Variants in MFHAS1 observed in about 807,000 individuals in gnomAD.
MFHAS1 encodes multifunctional ROCO family signaling regulator 1, also known as malignant fibrous histiocytoma-amplified sequence 1.
A neutral mutation model predicts 70.4 loss-of-function variants in MFHAS1; 50 were observed. The ratio of observed to expected loss-of-function variants is 0.71; its 90% confidence interval spans 0.57 to 0.90. The LOEUF (loss-of-function observed/expected upper bound fraction) is 0.90. Among genes scored for constraint, MFHAS1 ranks in the 40% least tolerant of loss-of-function variants. The probability of loss-of-function intolerance (pLI) is 0.00; values close to 1 mark genes in which losing one functional copy is unlikely to be tolerated. For synonymous variants in MFHAS1, 952 were observed against 620.0 expected, an observed-to-expected ratio of 1.54 and a Z score of -7.96; for missense variants, 1,795 against 1,347.6, an observed-to-expected ratio of 1.33 and a Z score of -5.20.
At chr8:8,879,648 C>A (rs188642407) in intron 1 of MFHAS1, among the ~76,000 whole-genome samples, 18 of 152,264 alleles carry the variant, frequency 1.2e-4, no homozygotes, top group Admixed American at 6.5e-5. Context: ...CCAGGGTTCC[C>A]CCCAAAGTAA....
intron 1 of MFHAS1, among the ~76,000 whole-genome samples, chr8:8,838,581 G>A (rs1168352012): frequency 6.6e-6 from 1 of 152,174 alleles, no homozygotes; most frequent in Non-Finnish European, 1.5e-5. Flanking sequence ...GGGAGGCAGA[G>A]GCGGGCGGAT....
chr8:8,797,383 A>C lies in MFHAS1; in HGVS notation c.3107T>G (p.Val1036Gly), dbSNP rs1805943391. The stretch of plus-strand genomic sequence containing the variant: ...AACTCACTTGGAACAGGGGCTGATC[A>C]CAGTCGGCGTGGGTGGGTAAACCAA... Reference protein sequence around the residue: ...VALVYPPTPTVISPCSKKNVG... With the variant: ...VALVYPPTPTGISPCSKKNVG... The change falls in exon 2 of 3, where the codon GTG (valine) becomes GGG (glycine). Residue 1036 changes from valine to glycine, a missense_variant. Transcript: ENST00000276282. 6.2e-7 allele frequency: 1 copy of C among 1,613,996 alleles called. No homozygotes were observed. Among genetic ancestry groups the C allele is most frequent in the Non-Finnish European group, 8.5e-7 (1 of 1,180,004 alleles).
chr8:8,864,132 C>T (rs773681406), intron 1 of MFHAS1, among the ~76,000 whole-genome samples: 3 of 152,184 alleles, frequency 2.0e-5, no homozygotes, highest in Non-Finnish European at 4.4e-5. Context: ...CTGCAGTACC[C>T]GATTAAAGCC....
chr8:8,803,880 G>C (rs953790136), intron 1 of MFHAS1, among the ~76,000 whole-genome samples: 2 of 151,828 alleles, frequency 1.3e-5, no homozygotes, highest in Non-Finnish European at 2.9e-5. Context: ...GCTGAGGCAG[G>C]AGAATCACTG....
intron 1 of MFHAS1, among the ~76,000 whole-genome samples, chr8:8,807,210 G>A (rs373214534): frequency 2.0e-4 from 30 of 151,938 alleles, no homozygotes; most frequent in South Asian, 8.3e-4. Context: ...GACCAAGAGC[G>A]CTCACCAAAA....
chr8:8,848,426 T>C (rs189935992), intron 1 of MFHAS1, among the ~76,000 whole-genome samples: 1 of 148,700 alleles, frequency 6.7e-6, no homozygotes, highest in African/African-American at 2.5e-5. Context: ...AGCCATGCCA[T>C]CCCACTTCAT....
chr8:8,859,267 C>T (rs1366704353), intron 1 of MFHAS1, among the ~76,000 whole-genome samples: 1 of 152,170 alleles, frequency 6.6e-6, no homozygotes, highest in Non-Finnish European at 1.5e-5. Flanking sequence ...TCACTTGAAC[C>T]CAGGAGGTGG....
chr8:8,863,618 G>C (rs564451765), intron 1 of MFHAS1, among the ~76,000 whole-genome samples: 244 of 152,180 alleles, frequency 1.6e-3, no homozygotes, highest in African/African-American at 5.7e-3. Context: ...TCTAACCTCT[G>C]TTTTGACCAT....
intron 2 of MFHAS1, chr8:8,790,182 C>G (rs1805676045): frequency 6.4e-6 from 1 of 156,972 alleles, no homozygotes; most frequent in South Asian, 2.0e-4. Context: ...CAACTTGATT[C>G]TAGAGATGTA....
intron 1 of MFHAS1, among the ~76,000 whole-genome samples, chr8:8,832,360 T>C (rs57784779): frequency 0.095 from 14,387 of 150,704 alleles, 1,056 homozygotes; most frequent in African/African-American, 0.2. Flanking sequence ...TAAAAACTCA[T>C]ACAGCTCAAT....
At chr8:8,790,906 A>G (rs1003188355) in intron 2 of MFHAS1, among the ~76,000 whole-genome samples, 3 of 152,164 alleles carry the variant, frequency 2.0e-5, no homozygotes, top group Non-Finnish European at 4.4e-5. Flanking sequence ...GTGCAAAGTA[A>G]CCACGGTACT....
chr8:8,809,522 C>T (rs566797638), intron 1 of MFHAS1, among the ~76,000 whole-genome samples: 1 of 152,220 alleles, frequency 6.6e-6, no homozygotes. Flanking sequence ...CCTCTTCCCG[C>T]CACTCACTCG....
At chr8:8,825,968 G>C (rs1402566452) in intron 1 of MFHAS1, among the ~76,000 whole-genome samples, 2 of 152,166 alleles carry the variant, frequency 1.3e-5, no homozygotes, top group Non-Finnish European at 2.9e-5. Flanking sequence ...TGCAGTTGAG[G>C]CTGAAGTTCA....
In MFHAS1 at chr8:8,891,123, C is replaced by G; in HGVS notation, c.1936G>C (p.Ala646Pro). ...RRLRDKLLSV[A>P]EHREIFPNLH... ...TTGGGGAAGATCTCTCGGTGCTCAG[C>G]AACTGACAGCAACTTGTCCCGAAGG... is the stretch of plus-strand genomic sequence containing the variant. The change falls in exon 1 of 3, where the codon GCT (alanine) becomes CCT (proline). Residue 646 changes from alanine to proline, a missense_variant. By Grantham distance (27) the Ala-to-Pro change is conservative. Transcript: ENST00000276282. This position sits in a 1 kb window ranked among gnomAD's most constrained non-coding sequence, Gnocchi z 5.4. 6.2e-7 allele frequency: 1 copy of G among 1,613,830 alleles called. No individual in the cohort carries two copies. The highest frequency in any genetic ancestry group is 8.5e-7 in the Non-Finnish European group (1 of 1,180,036).
At position 8,890,350 on chromosome 8, in the gene MFHAS1, G is replaced by A. The variant is rs1809943499; in HGVS notation, c.2709C>T (p.Asn903=). 3.1e-6 allele frequency: 5 copies of A among 1,614,112 alleles called. No individual in the cohort carries two copies. Among genetic ancestry groups the A allele is most frequent in the Non-Finnish European group, 4.2e-6 (5 of 1,180,054 alleles). The change falls in exon 1 of 3, where the codon AAC becomes AAT. Residue 903 remains asparagine, a synonymous_variant. Transcript: ENST00000276282. ...GLFARYSVQI[N]SHVVHRSDGK... ...CATCCGACCTGTGCACCACATGGCT[G>A]TTGATCTGGACACTGTAGCGTGCAA...
chr8:8,889,516 A>C (rs146019788), intron 1 of MFHAS1, among the ~76,000 whole-genome samples: 120 of 152,360 alleles, frequency 7.9e-4, no homozygotes, highest in African/African-American at 2.8e-3. Context: ...GGGGATGGAT[A>C]CCGCATTTTA....
At chr8:8,852,382 G>C (rs550115937) in intron 1 of MFHAS1, among the ~76,000 whole-genome samples, 1 of 152,202 alleles carries the variant, frequency 6.6e-6, no homozygotes, top group East Asian at 1.9e-4. Flanking sequence ...GCTGAGGCAA[G>C]AGAATCGCTT....
chr8:8,851,671 C>T (rs1244774832), intron 1 of MFHAS1, among the ~76,000 whole-genome samples: 1 of 152,144 alleles, frequency 6.6e-6, no homozygotes, highest in African/African-American at 2.4e-5. Context: ...TCATATTATA[C>T]CCCTTCCTCT....
chr8:8,809,138 C>G (rs1034237144), intron 1 of MFHAS1, among the ~76,000 whole-genome samples: 1 of 152,170 alleles, frequency 6.6e-6, no homozygotes, highest in East Asian at 1.9e-4. Context: ...CCATCACCAC[C>G]AGATGGGACC....
Sources: allele counts gnomAD v4.1 joint callset (sites outside exome capture counted in the v4.1 genomes callset), GRCh38; gene constraint gnomAD v4.1.1; non-coding constraint Gnocchi (gnomAD v3.1); transcripts MANE v1.5; gene names NCBI Gene and HGNC (gene_info 2026-07-23, HGNC 2026-07-21).